Variants in CSMD1 observed in about 807,000 individuals in gnomAD.
The protein encoded by CSMD1 is CUB and Sushi multiple domains 1.
A neutral mutation model predicts 417.5 loss-of-function variants in CSMD1; 213 were observed. That is an observed-to-expected ratio of 0.51 (90% CI 0.46 to 0.57). The LOEUF is 0.57. CSMD1 is among the 20% of genes least tolerant of loss of function. CSMD1 has a pLI of 0.00. For synonymous variants in CSMD1, 2,862 were observed against 1,736.8 expected (o/e 1.65, Z -16.11); for missense variants, 6,923 against 4,529.7 (o/e 1.53, Z -15.17).
At position 3,766,260 on chromosome 8, in the gene CSMD1, TCTC is replaced by T. The variant is rs1798261659; in HGVS notation, c.819-12221_819-12219del. Among the ~76,000 whole-genome samples, 3 of 152,174 alleles carry T rather than the reference TCTC, an allele frequency of 2.0e-5. No homozygotes were observed. The South Asian group carries it at 6.2e-4, about 32-fold the overall frequency. On this transcript the variant is annotated intron_variant, in intron 5 of 69. Coordinates refer to ENST00000635120, the MANE Select transcript of CSMD1 (RefSeq NM_033225.6). ...AGAGCTGTCATGCCCCACCTGGAAA[TCTC>T]CTCACAGGCCTTTCAATGTGGGAGG...
chr8:4,565,071 G>A (rs1350637669), intron 2 of CSMD1, among the ~76,000 whole-genome samples: 1 of 152,154 alleles, frequency 6.6e-6, no homozygotes, highest in Non-Finnish European at 1.5e-5. Flanking sequence ...AAACACTGAA[G>A]AAAAACTTTC....
chr8:4,403,167 T>A lies in CSMD1; in HGVS notation c.415+16786A>T, dbSNP rs147562089. ...ACTTTTTAAAGCTTCCACTTTTACATAAGACATTAGTCTGATTACTGAAAG... is the reference window on the plus strand; with the variant it reads ...ACTTTTTAAAGCTTCCACTTTTACAAAAGACATTAGTCTGATTACTGAAAG... On this transcript the variant is annotated intron_variant, in intron 3 of 69. Coordinates refer to ENST00000635120, the MANE Select transcript of CSMD1 (RefSeq NM_033225.6). Among the ~76,000 whole-genome samples, 177 of 152,318 alleles carry A rather than the reference T, an allele frequency of 1.2e-3. 1 individual carries two copies. Among genetic ancestry groups the A allele is most frequent in the African/African-American group, 4.0e-3 (167 of 41,582 alleles).
At chr8:3,124,203 T>C (rs1267858931) in intron 41 of CSMD1, among the ~76,000 whole-genome samples, 1 of 152,200 alleles carries the variant, frequency 6.6e-6, no homozygotes, top group Non-Finnish European at 1.5e-5. Context: ...TATTCATTTA[T>C]TGAGTGAAAT....
At chr8:4,209,536 A>G (rs1800181788) in intron 3 of CSMD1, among the ~76,000 whole-genome samples, 1 of 152,144 alleles carries the variant, frequency 6.6e-6, no homozygotes, top group Non-Finnish European at 1.5e-5. Context: ...GAGCCGCGTG[A>G]GATTCCTTGC....
intron 3 of CSMD1, among the ~76,000 whole-genome samples, chr8:4,129,264 C>A (rs927399193): frequency 6.6e-6 from 1 of 152,092 alleles, no homozygotes; most frequent in Non-Finnish European, 1.5e-5. Flanking sequence ...GGGGAGCCTT[C>A]AGATCTGCTG....
intron 3 of CSMD1, among the ~76,000 whole-genome samples, chr8:4,313,731 C>T (rs147119013): frequency 2.0e-5 from 3 of 152,144 alleles, no homozygotes; most frequent in South Asian, 4.1e-4. Flanking sequence ...AAAAGCAGAA[C>T]TAGGCCGGGC....
intron 3 of CSMD1, among the ~76,000 whole-genome samples, chr8:4,051,308 C>CAAAAAAAAAAAAAAAAAAAAAAAAAA (rs5889012): frequency 7.8e-5 from 11 of 140,530 alleles, no homozygotes; most frequent in African/African-American, 2.7e-4. Flanking sequence ...TTTGAAGACT[C>CAAAAAAAAAAAAAAAAAAAAAAAAAA]AAAAAAAAAA....
At chr8:3,152,011 A>C (rs895890721) in intron 39 of CSMD1, among the ~76,000 whole-genome samples, 1 of 152,224 alleles carries the variant, frequency 6.6e-6, no homozygotes, top group East Asian at 1.9e-4. Context: ...AATTTGCCTA[A>C]AGTGACATGC....
At chr8:4,191,269 A>G (rs1799013105) in intron 3 of CSMD1, among the ~76,000 whole-genome samples, 1 of 151,868 alleles carries the variant, frequency 6.6e-6, no homozygotes, top group South Asian at 2.1e-4. Flanking sequence ...GGTGGCAGGC[A>G]CCTGTAGTCC....
chr8:3,878,429 G>A (rs568116059), intron 5 of CSMD1, among the ~76,000 whole-genome samples: 12 of 152,074 alleles, frequency 7.9e-5, no homozygotes, highest in Non-Finnish European at 1.3e-4. Context: ...TATCAACAAT[G>A]ATACCAGTCT....
intron 1 of CSMD1, among the ~76,000 whole-genome samples, chr8:4,936,397 A>G (rs1254575324): frequency 5.3e-5 from 8 of 152,240 alleles, no homozygotes; most frequent in African/African-American, 1.9e-4. Context: ...AATTTTTAAA[A>G]TTGAAGATGT....
chr8:4,170,691 A>G lies in CSMD1; in HGVS notation c.416-138592T>C, dbSNP rs980123907. Among the ~76,000 whole-genome samples the G allele has an allele frequency of 2.6e-5, 4 of 152,016 alleles. No individual in the cohort carries two copies. The East Asian group carries it at 7.7e-4, about 29-fold the overall frequency. On this transcript the variant is annotated intron_variant, in intron 3 of 69. Transcript: ENST00000635120. Reference sequence around the variant, plus strand: ...AAGTTGGAGGAGCTAGAACTCTGACAAAAGTAAACTGATATAGCTAGCATG... The same window carrying G: ...AAGTTGGAGGAGCTAGAACTCTGACGAAAGTAAACTGATATAGCTAGCATG...
chr8:4,039,627 A>C (rs766065071), intron 3 of CSMD1, among the ~76,000 whole-genome samples: 16 of 152,202 alleles, frequency 1.1e-4, no homozygotes, highest in Non-Finnish European at 1.9e-4. Context: ...ATGACAGTGA[A>C]AGAGAAGGAC....
At chr8:3,368,901 C>G (rs1445597794) in intron 19 of CSMD1, among the ~76,000 whole-genome samples, 1 of 152,108 alleles carries the variant, frequency 6.6e-6, no homozygotes, top group Non-Finnish European at 1.5e-5. Flanking sequence ...CCAGATATAT[C>G]ATGAAATTGG....
At chr8:3,982,951 C>CAAAA (rs1380417460) in intron 5 of CSMD1, among the ~76,000 whole-genome samples, 1 of 151,922 alleles carries the variant, frequency 6.6e-6, no homozygotes, top group Non-Finnish European at 1.5e-5. Context: ...AGATGAAAAA[C>CAAAA]AAAACAAACA....
At chr8:4,161,548 C>T (rs1797169429) in intron 3 of CSMD1, among the ~76,000 whole-genome samples, 1 of 152,200 alleles carries the variant, frequency 6.6e-6, no homozygotes, top group Non-Finnish European at 1.5e-5. Flanking sequence ...GCACCTCCTA[C>T]TACTTGACAT....
chr8:3,349,919 T>C (rs905973453), intron 21 of CSMD1, among the ~76,000 whole-genome samples: 2 of 143,832 alleles, frequency 1.4e-5, no homozygotes, highest in South Asian at 2.1e-4. Flanking sequence ...TATATTTATA[T>C]ATTATATTAT....
chr8:4,264,707 A>G (rs1282415621), intron 3 of CSMD1, among the ~76,000 whole-genome samples: 1 of 152,188 alleles, frequency 6.6e-6, no homozygotes, highest in Non-Finnish European at 1.5e-5. Flanking sequence ...GCCTTAAAAC[A>G]AACACTGATT....
chr8:3,737,210 A>C (rs2129049258), intron 6 of CSMD1, among the ~76,000 whole-genome samples: 1 of 142,272 alleles, frequency 7.0e-6, no homozygotes. Flanking sequence ...TATCGGGAGA[A>C]ATTATCATTG....
Sources: gnomAD v4.1 joint callset for allele counts (sites outside exome capture counted in the v4.1 genomes callset) on GRCh38, gnomAD v4.1.1 for gene constraint, MANE v1.5 for transcripts, NCBI Gene and HGNC (gene_info 2026-07-23, HGNC 2026-07-21) for gene names.